The following CLPB variants were observed in gnomAD, a reference collection of about 807,000 sequenced individuals.
CLPB encodes mitochondrial disaggregase.
CLPB carries 40 observed loss-of-function variants against 78.4 expected under a neutral mutation model. The ratio of observed to expected loss-of-function variants is 0.51; its 90% CI spans 0.40 to 0.66. CLPB has a LOEUF of 0.66. Among genes scored for constraint, CLPB ranks in the 30% least tolerant of loss-of-function variants. The pLI is 0.00. For synonymous variants in CLPB, 333 were observed against 348.0 expected, an observed-to-expected ratio of 0.96 and a Z score of 0.48; for missense variants, 780 against 886.9, an observed-to-expected ratio of 0.88 and a Z score of 1.53.
At chr11:72,426,278 C>A (rs928364485) in intron 2 of CLPB, among the ~76,000 whole-genome samples, 6 of 152,212 alleles carry the variant, frequency 3.9e-5, no homozygotes, top group Non-Finnish European at 8.8e-5. Flanking sequence ...ACCGGGAGAA[C>A]AGGAGGCCTC....
chr11:72,301,005 A>G (rs1208843387), intron 11 of CLPB, among the ~76,000 whole-genome samples: 5 of 152,194 alleles, frequency 3.3e-5, no homozygotes, highest in African/African-American at 1.2e-4. Flanking sequence ...CTCTTTACAC[A>G]GCAGCTGTGG....
chr11:72,307,339 T>C, intron 8 of CLPB, 85 bp from the exon 9 acceptor site: 2 of 1,100,580 alleles, frequency 1.8e-6, no homozygotes, highest in Non-Finnish European at 2.8e-6. Flanking sequence ...GCACGGACAC[T>C]AGAAAGAATA....
Position 72,287,385 on chromosome 11 carries a change from A to G in CLPB, c.*5982T>C, listed in dbSNP as rs995662855. The G allele has an allele frequency of 2.0e-5, 3 of 152,220 alleles. No homozygotes were observed. Among genetic ancestry groups the G allele is most frequent in the African/African-American group, 7.2e-5 (3 of 41,450 alleles). The allele number at this position is 152,220 out of a possible 1,614,324, so 9.4% of individuals were successfully genotyped here. A position where few individuals can be genotyped will look rare whatever the true frequency, so the allele number is the denominator to read the frequency against. ...GAGTGCAGCAGCACAGTCTTGGCTC[A>G]CTGCAACCTCTGCCTCCTGGGCTTA... is the stretch of plus-strand genomic sequence containing the variant. On this transcript the variant is annotated 3_prime_UTR_variant, in exon 16 of 16. Transcript: ENST00000538039.
At position 72,358,431 on chromosome 11, in the gene CLPB, G is replaced by A. The variant is rs78735300; in HGVS notation, c.775+449C>T. Among the ~76,000 whole-genome samples, 619 of 152,254 alleles carry A rather than the reference G, an allele frequency of 4.1e-3. 4 individuals are homozygous for A. The highest frequency in any genetic ancestry group is 8.4e-3 in the Admixed American group (129 of 15,296). On this transcript the variant is annotated intron_variant, in intron 5 of 15. Transcript: ENST00000538039. ...AGTAATGAAAGGGGCCTGAGACGGG[G>A]GTGGGACCAAAGAGGATGTCTTTGT...
intron 4 of CLPB, among the ~76,000 whole-genome samples, chr11:72,365,274 A>G (rs1463451952): frequency 2.0e-5 from 3 of 152,194 alleles, no homozygotes; most frequent in Admixed American, 2.0e-4. Flanking sequence ...GTGAGCCGTG[A>G]TCACACCATT....
At chr11:72,396,977 T>A (rs1590892882) in intron 3 of CLPB, among the ~76,000 whole-genome samples, 1 of 152,226 alleles carries the variant, frequency 6.6e-6, no homozygotes, top group East Asian at 1.9e-4. Context: ...TATAATTTAA[T>A]GAATTTTGAT....
chr11:72,350,440 A>G (rs1950594145), intron 5 of CLPB, among the ~76,000 whole-genome samples: 1 of 152,208 alleles, frequency 6.6e-6, no homozygotes, highest in Non-Finnish European at 1.5e-5. Flanking sequence ...TTATGCTCTT[A>G]TAGTACCCTC....
chr11:72,402,876 G>A, intron 3 of CLPB, 90 bp downstream of exon 3: 4 of 1,019,490 alleles, frequency 3.9e-6, no homozygotes, highest in Non-Finnish European at 6.0e-6. Context: ...GGAAAAGACA[G>A]CAGGGAGGCA....
intron 3 of CLPB, among the ~76,000 whole-genome samples, chr11:72,392,814 C>A (rs1414310397): frequency 6.6e-6 from 1 of 152,174 alleles, no homozygotes; most frequent in African/African-American, 2.4e-5. Flanking sequence ...AAAACCAGGT[C>A]TGTCTGAGTC....
intron 5 of CLPB, among the ~76,000 whole-genome samples, chr11:72,330,432 G>C (rs768844346): frequency 6.6e-5 from 10 of 152,228 alleles, no homozygotes; most frequent in Non-Finnish European, 1.3e-4. Flanking sequence ...TAAGGACAAA[G>C]ACTTTGAGTA....
chr11:72,361,318 G>C (rs1294458067), intron 4 of CLPB, among the ~76,000 whole-genome samples: 1 of 152,192 alleles, frequency 6.6e-6, no homozygotes, highest in East Asian at 1.9e-4. Context: ...CCTGGAGCAG[G>C]AAGAACAGGA....
chr11:72,322,686 T>C (rs771743575), intron 6 of CLPB, among the ~76,000 whole-genome samples: 7 of 152,200 alleles, frequency 4.6e-5, no homozygotes, highest in Non-Finnish European at 8.8e-5. Context: ...GTGATGTTGA[T>C]TTATCTCATA....
intron 5 of CLPB, among the ~76,000 whole-genome samples, chr11:72,343,776 A>G (rs1268374410): frequency 7.9e-5 from 12 of 152,196 alleles, no homozygotes; most frequent in African/African-American, 2.9e-4. Flanking sequence ...GCATGACAAA[A>G]CAGATGAATG....
chr11:72,344,033 T>C (rs1450841348), intron 5 of CLPB, among the ~76,000 whole-genome samples: 1 of 152,088 alleles, frequency 6.6e-6, no homozygotes, highest in African/African-American at 2.4e-5. Flanking sequence ...ACAAAACCAC[T>C]GCCCACAGAT....
intron 5 of CLPB, among the ~76,000 whole-genome samples, chr11:72,331,074 TTAATTAAA>T: frequency 6.6e-6 from 1 of 152,124 alleles, no homozygotes; most frequent in Non-Finnish European, 1.5e-5. Context: ...TATTAAAATT[TTAATTAAA>T]AATTTTTAAT....
chr11:72,420,772 C>T (rs1419058616), intron 2 of CLPB, among the ~76,000 whole-genome samples: 4 of 152,262 alleles, frequency 2.6e-5, no homozygotes, highest in East Asian at 3.9e-4. Context: ...GGGAAATTTT[C>T]GTTTTTTAAA....
At chr11:72,363,232 C>A (rs1242193086) in intron 4 of CLPB, among the ~76,000 whole-genome samples, 1 of 151,712 alleles carries the variant, frequency 6.6e-6, no homozygotes, top group African/African-American at 2.4e-5. Flanking sequence ...GGAGGGAGGG[C>A]ACAGTGAGCA....
At chr11:72,347,953 T>C (rs1007604397) in intron 5 of CLPB, among the ~76,000 whole-genome samples, 2 of 152,120 alleles carry the variant, frequency 1.3e-5, no homozygotes, top group Admixed American at 1.3e-4. Context: ...CATGGAGACA[T>C]AGAATGTGGG....
chr11:72,417,919 T>G (rs763824571), intron 2 of CLPB, among the ~76,000 whole-genome samples: 17 of 152,132 alleles, frequency 1.1e-4, no homozygotes, highest in Non-Finnish European at 2.4e-4. Flanking sequence ...TGTTTGTGCT[T>G]TACATCCTGC....
Sources: gnomAD v4.1 joint callset for allele counts (sites outside exome capture counted in the v4.1 genomes callset) on GRCh38, gnomAD v4.1.1 for gene constraint, MANE v1.5 for transcripts, NCBI Gene and HGNC (gene_info 2026-07-23, HGNC 2026-07-21) for gene names.